The following RBFOX1 variants were observed in gnomAD, a reference collection of about 807,000 sequenced individuals.
The protein encoded by RBFOX1 is RNA binding fox-1 homolog 1, also known as RNA binding protein fox-1 homolog 1.
A neutral mutation model predicts 57.7 loss-of-function variants in RBFOX1; 8 were observed. The ratio of observed to expected loss-of-function variants is 0.14; its 90% CI spans 0.08 to 0.25. The LOEUF (loss-of-function observed/expected upper bound fraction) is 0.25, where lower values mean the gene tolerates loss of function less well. Among genes scored for constraint, RBFOX1 ranks in the 10% least tolerant of loss-of-function variants. The probability of loss-of-function intolerance (pLI) is 1.00; values close to 1 mark genes in which losing one functional copy is unlikely to be tolerated. For missense variants in RBFOX1, 611 were observed against 548.5 expected, an observed-to-expected ratio of 1.11 and a Z score of -1.14; for synonymous variants, 326 against 222.4, an observed-to-expected ratio of 1.47 and a Z score of -4.15.
chr16:6,936,689 G>C (rs1451567816), intron 3 of RBFOX1, among the ~76,000 whole-genome samples: 2 of 151,988 alleles, frequency 1.3e-5, no homozygotes, highest in African/African-American at 4.8e-5. Flanking sequence ...GGCTGAGAGA[G>C]GATAGCATTA....
chr16:5,991,806 C>G (rs1011254864), intron 4 of RBFOX1, among the ~76,000 whole-genome samples: 3 of 152,096 alleles, frequency 2.0e-5, no homozygotes, highest in African/African-American at 7.2e-5. Context: ...GACTTCTAAC[C>G]TCCTTCAACC....
At chr16:7,569,483 C>G (rs376401817) in intron 5 of RBFOX1, among the ~76,000 whole-genome samples, 2 of 152,306 alleles carry the variant, frequency 1.3e-5, no homozygotes, top group South Asian at 4.1e-4. Flanking sequence ...TTCCATGCCA[C>G]TGGCCTCTGT....
chr16:7,669,686 G>A (rs984513413), intron 13 of RBFOX1, among the ~76,000 whole-genome samples: 4 of 152,172 alleles, frequency 2.6e-5, no homozygotes. Flanking sequence ...CCACCCATAT[G>A]TTTTAAAACA....
intron 2 of RBFOX1, among the ~76,000 whole-genome samples, chr16:6,637,417 ATATATAAATATAT>A (rs1215845087): frequency 7.0e-5 from 1 of 14,244 alleles, no homozygotes; most frequent in Non-Finnish European, 2.8e-4. Context: ...ATATTATATA[ATATATAAATATAT>A]TATATAAATA....
chr16:7,695,085 C>G (rs1312904443), intron 14 of RBFOX1, among the ~76,000 whole-genome samples: 1 of 152,158 alleles, frequency 6.6e-6, no homozygotes. Context: ...TTCCATCTAC[C>G]TAATCTAGAT....
intron 1 of RBFOX1, among the ~76,000 whole-genome samples, chr16:5,425,115 A>C (rs2067515895): frequency 1.5e-5 from 2 of 134,564 alleles, no homozygotes; most frequent in African/African-American, 2.9e-5. Context: ...CTATCTATCT[A>C]TCTATCTTGA....
chr16:7,493,242 C>A (rs1567487658), intron 4 of RBFOX1, among the ~76,000 whole-genome samples: 1 of 151,962 alleles, frequency 6.6e-6, no homozygotes, highest in South Asian at 2.1e-4. Flanking sequence ...CTAACACACT[C>A]AGTCAGACTG....
intron 1 of RBFOX1, among the ~76,000 whole-genome samples, chr16:5,248,604 T>C: frequency 6.6e-6 from 1 of 151,846 alleles, no homozygotes; most frequent in Non-Finnish European, 1.5e-5. Context: ...CGTGGAGCGC[T>C]TGGGGGGTGG....
At chr16:6,455,146 G>T (rs1016242520) in intron 2 of RBFOX1, among the ~76,000 whole-genome samples, 1 of 151,502 alleles carries the variant, frequency 6.6e-6, no homozygotes, top group African/African-American at 2.4e-5. Context: ...ACCCGCCCTG[G>T]CCTCCCAAAG....
At chr16:6,631,429 A>C (rs1305927728) in intron 2 of RBFOX1, among the ~76,000 whole-genome samples, 1 of 152,140 alleles carries the variant, frequency 6.6e-6, no homozygotes, top group Non-Finnish European at 1.5e-5. Context: ...TGTAAGGGAA[A>C]GTTCCCAGTG....
chr16:5,327,675 G>A (rs2064621324), intron 1 of RBFOX1, among the ~76,000 whole-genome samples: 1 of 152,168 alleles, frequency 6.6e-6, no homozygotes, highest in Non-Finnish European at 1.5e-5. Flanking sequence ...TTTGGAAACA[G>A]AATGTAGCAG....
In RBFOX1 at chr16:6,793,624, T is replaced by A. The variant is rs190522426; in HGVS notation, c.-16+138974T>A. On this transcript the variant is annotated intron_variant, in intron 3 of 15. Transcript: ENST00000550418. ...CACAAGAGCAAACTGAAAGCTTTAC[T>A]GTTAAGCAAAAAAAGAAATCTTGAG... Among the ~76,000 whole-genome samples, 14 of 152,306 alleles carry A rather than the reference T, an allele frequency of 9.2e-5. 1 individual carries two copies. The highest frequency in any genetic ancestry group is 3.4e-4 in the African/African-American group (14 of 41,562).
intron 3 of RBFOX1, among the ~76,000 whole-genome samples, chr16:5,709,452 G>A (rs151212773): frequency 2.0e-4 from 30 of 152,174 alleles, no homozygotes; most frequent in Non-Finnish European, 4.1e-4. Flanking sequence ...GTGATGGCAT[G>A]TTTTATCATT....
intron 3 of RBFOX1, among the ~76,000 whole-genome samples, chr16:6,851,510 T>C (rs936594542): frequency 1.4e-4 from 21 of 152,218 alleles, no homozygotes; most frequent in African/African-American, 4.6e-4. Context: ...GTTTGAAAGA[T>C]ATTCACAACA....
intron 1 of RBFOX1, among the ~76,000 whole-genome samples, chr16:5,322,960 G>A (rs1346509311): frequency 6.6e-6 from 1 of 152,110 alleles, no homozygotes; most frequent in East Asian, 1.9e-4. Flanking sequence ...GAGGTCCTGG[G>A]GGCATGGAGT....
rs531952572 is a variant in RBFOX1 at position 6,748,370 on chromosome 16, A to G, written c.-16+93720A>G. On this transcript the variant is annotated intron_variant, in intron 3 of 15. Transcript: ENST00000550418. ...ACATATGTATGTATGTATGAGCACA[A>G]ATTATTTGGGGTGGGCACTGTGGCT... Among the ~76,000 whole-genome samples the G allele has an allele frequency of 5.9e-5, 9 of 152,140 alleles. No homozygotes were observed. In the East Asian group the frequency reaches 1.7e-3, roughly 29 times the overall value.
At chr16:5,454,764 T>C (rs77482084) in intron 1 of RBFOX1, among the ~76,000 whole-genome samples, 9 of 22,724 alleles carry the variant, frequency 4.0e-4, no homozygotes, top group African/African-American at 1.6e-3. Context: ...CTTTTCTTTC[T>C]TTCTCTTTCT....
At chr16:5,288,569 A>C (rs1000982743) in intron 1 of RBFOX1, among the ~76,000 whole-genome samples, 1 of 151,992 alleles carries the variant, frequency 6.6e-6, no homozygotes, top group Non-Finnish European at 1.5e-5. Context: ...CCTCCAGAGT[A>C]GAAGATCCTT....
intron 1 of RBFOX1, among the ~76,000 whole-genome samples, chr16:5,359,301 A>G (rs780281359): frequency 4.6e-5 from 7 of 152,206 alleles, no homozygotes; most frequent in Non-Finnish European, 7.3e-5. Flanking sequence ...TCCTTGATAT[A>G]CTGGTCTCCT....
Sources: allele counts gnomAD v4.1 joint callset (sites outside exome capture counted in the v4.1 genomes callset), GRCh38; gene constraint gnomAD v4.1.1; transcripts MANE v1.5; gene names NCBI Gene and HGNC (gene_info 2026-07-23, HGNC 2026-07-21).